The following MALRD1 variants were observed in gnomAD, a reference collection of about 807,000 sequenced individuals.
MALRD1 encodes MAM and LDL receptor class A domain containing 1.
Under a neutral mutation model 242.1 loss-of-function variants are expected in MALRD1, and 247 were observed. The observed-to-expected ratio is 1.02, with a 90% CI of 0.92 to 1.13. The LOEUF is 1.13. MALRD1 is among the 50% of genes most tolerant of loss of function. The pLI is 0.00. For missense variants in MALRD1, 2,989 were observed against 2,533.1 expected, an observed-to-expected ratio of 1.18 and a Z score of -3.86; for synonymous variants, 995 against 866.6, an observed-to-expected ratio of 1.15 and a Z score of -2.60.
At position 19,446,375 on chromosome 10, in the gene MALRD1, A is replaced by C. The variant is rs7096300; in HGVS notation, c.4846-3932A>C. On this transcript the variant is annotated intron_variant, in intron 28 of 39. Coordinates refer to ENST00000454679, the MANE Select transcript of MALRD1 (RefSeq NM_001142308.3). Reference sequence around the variant, plus strand: ...TTCTTGTATTTATTTACCCTTATTAAATACTAAAAACTCTAGAAATAGATA... The same window carrying C: ...TTCTTGTATTTATTTACCCTTATTACATACTAAAAACTCTAGAAATAGATA... Among the ~76,000 whole-genome samples, 482 of 152,300 alleles carry C rather than the reference A, an allele frequency of 3.2e-3. 3 individuals carry two copies. The highest frequency in any genetic ancestry group is 0.011 in the African/African-American group (451 of 41,566).
At chr10:19,115,763 C>T (rs1836850113) in intron 5 of MALRD1, among the ~76,000 whole-genome samples, 1 of 152,034 alleles carries the variant, frequency 6.6e-6, no homozygotes, top group African/African-American at 2.4e-5. Flanking sequence ...GTAATCCCAG[C>T]TACTGGGGAG....
At chr10:19,193,214 A>G (rs1382414538) in intron 14 of MALRD1, among the ~76,000 whole-genome samples, 3 of 152,222 alleles carry the variant, frequency 2.0e-5, no homozygotes, top group Non-Finnish European at 4.4e-5. Flanking sequence ...AATGGGAAGT[A>G]GTGATAAAAT....
chr10:19,346,707 A>G (rs1200223142), intron 24 of MALRD1, among the ~76,000 whole-genome samples: 2 of 152,096 alleles, frequency 1.3e-5, no homozygotes, highest in Non-Finnish European at 2.9e-5. Context: ...GCTGGATTGC[A>G]ATGGCACAGT....
At chr10:19,423,163 T>C (rs1026744428) in intron 28 of MALRD1, among the ~76,000 whole-genome samples, 18 of 152,224 alleles carry the variant, frequency 1.2e-4, no homozygotes, top group Non-Finnish European at 2.6e-4. Context: ...CTAAATCTTA[T>C]GTAGAAGATT....
At chr10:19,680,348 A>AT (rs150940495) in intron 36 of MALRD1, among the ~76,000 whole-genome samples, 21,952 of 152,016 alleles carry the variant, frequency 0.14, 2,698 homozygotes, top group African/African-American at 0.33. Flanking sequence ...TATATTTAGA[A>AT]AGTTAGCTCT....
At chr10:19,154,874 G>A (rs2131465910) in intron 11 of MALRD1, among the ~76,000 whole-genome samples, 1 of 152,274 alleles carries the variant, frequency 6.6e-6, no homozygotes, top group Non-Finnish European at 1.5e-5. Flanking sequence ...TGTTTTAATT[G>A]ATTAAATGTT....
chr10:19,666,094 C>T (rs1256814520), intron 36 of MALRD1, among the ~76,000 whole-genome samples: 1 of 152,136 alleles, frequency 6.6e-6, no homozygotes, highest in Admixed American at 6.5e-5. Context: ...AAGCCACAAG[C>T]TTCTTTGAGG....
At chr10:19,158,369 T>C in intron 12 of MALRD1, among the ~76,000 whole-genome samples, 1 of 152,212 alleles carries the variant, frequency 6.6e-6, no homozygotes, top group South Asian at 2.1e-4. Flanking sequence ...TTAATATTCC[T>C]TCAGTAAAAG....
At chr10:19,130,649 T>A (rs145548671) in intron 8 of MALRD1, among the ~76,000 whole-genome samples, 128 of 151,776 alleles carry the variant, frequency 8.4e-4, no homozygotes, top group African/African-American at 3.0e-3. Context: ...AGAATGGAAT[T>A]GTGTATTTAA....
At chr10:19,477,399 A>G (rs1836786718) in intron 29 of MALRD1, among the ~76,000 whole-genome samples, 1 of 152,188 alleles carries the variant, frequency 6.6e-6, no homozygotes, top group Non-Finnish European at 1.5e-5. Context: ...ATGGGAAAAT[A>G]GAAATAAGGC....
At chr10:19,096,864 G>A (rs1326880030) in intron 4 of MALRD1, among the ~76,000 whole-genome samples, 1 of 152,144 alleles carries the variant, frequency 6.6e-6, no homozygotes, top group Admixed American at 6.5e-5. Flanking sequence ...ACGGGCTTTG[G>A]AGAAAGCCTC....
chr10:19,116,258 C>T (rs1836867161), intron 5 of MALRD1, among the ~76,000 whole-genome samples: 1 of 152,142 alleles, frequency 6.6e-6, no homozygotes, highest in African/African-American at 2.4e-5. Context: ...TGCTGTGGCT[C>T]ACAATCAGAA....
intron 21 of MALRD1, among the ~76,000 whole-genome samples, chr10:19,309,033 AAAAC>A (rs1415946457): frequency 6.6e-6 from 1 of 151,594 alleles, no homozygotes; most frequent in Non-Finnish European, 1.5e-5. Context: ...AGAATTAAGA[AAAAC>A]AAATGCATTG....
In MALRD1 at chr10:19,283,171, G is replaced by C. The variant is rs752590495; in HGVS notation, c.3409G>C (p.Asp1137His). The change falls in exon 21 of 40, where the codon GAT becomes CAT. Residue 1137 changes from aspartate to histidine, a missense_variant. By Grantham distance (81) the Asp-to-His change is moderately conservative. Transcript: ENST00000454679. ...GGAAGAAAACCACAGGCCATCAGTG[G>C]ATCATACACAGTAAGTGACCATGTA... is the stretch of plus-strand genomic sequence containing the variant. ...HGEENHRPSV[D>H]HTQNTTDGWY... The C allele has an allele frequency of 6.5e-7, 1 of 1,542,416 alleles. No individual in the cohort carries two copies.
intron 29 of MALRD1, among the ~76,000 whole-genome samples, chr10:19,465,104 TTTTGG>T (rs1836154556): frequency 1.3e-5 from 2 of 152,124 alleles, no homozygotes; most frequent in Non-Finnish European, 2.9e-5. Context: ...TTTAGGAGCT[TTTTGG>T]AGGAGTCTTT....
intron 18 of MALRD1, among the ~76,000 whole-genome samples, chr10:19,253,877 A>G (rs1343459512): frequency 2.0e-5 from 3 of 151,786 alleles, no homozygotes; most frequent in Non-Finnish European, 4.4e-5. Flanking sequence ...GAATTGTAAT[A>G]CTCACCATGG....
chr10:19,495,769 GCA>G (rs1837687292), intron 30 of MALRD1, among the ~76,000 whole-genome samples: 1 of 152,074 alleles, frequency 6.6e-6, no homozygotes, highest in Admixed American at 6.6e-5. Flanking sequence ...CAATTAAAAG[GCA>G]CAGAGTGGCA....
At chr10:19,511,747 A>T (rs1045299890) in intron 31 of MALRD1, among the ~76,000 whole-genome samples, 1 of 152,216 alleles carries the variant, frequency 6.6e-6, no homozygotes, top group Non-Finnish European at 1.5e-5. Context: ...GTTTAACATG[A>T]CATAGTCAAC....
chr10:19,632,644 A>G (rs887074064), intron 36 of MALRD1, among the ~76,000 whole-genome samples: 8 of 152,080 alleles, frequency 5.3e-5, no homozygotes, highest in African/African-American at 1.9e-4. Context: ...AAACAAATCT[A>G]TGTTTCTCCC....
Sources: gnomAD v4.1 joint callset for allele counts (sites outside exome capture counted in the v4.1 genomes callset) on GRCh38, gnomAD v4.1.1 for gene constraint, MANE v1.5 for transcripts, NCBI Gene and HGNC (gene_info 2026-07-23, HGNC 2026-07-21) for gene names.